Variants in PLEKHA8 observed in about 807,000 individuals in gnomAD.
The protein encoded by PLEKHA8 is pleckstrin homology domain-containing family A member 8.
Under a neutral mutation model 68.2 loss-of-function variants are expected in PLEKHA8, and 36 were observed. That is an observed-to-expected ratio of 0.53 (90% CI 0.40 to 0.70). The LOEUF is 0.70. Ranked by LOEUF, PLEKHA8 falls within the 30% of genes least tolerant of loss-of-function variation. The pLI is 0.00. For synonymous variants in PLEKHA8, 211 were observed against 216.1 expected (o/e 0.98, Z 0.20); for missense variants, 505 against 615.4 (o/e 0.82, Z 1.90).
chr7:30,084,645 A>G lies in PLEKHA8; in HGVS notation c.*5858A>G, dbSNP rs1795103658. On this transcript the variant is annotated 3_prime_UTR_variant, in exon 14 of 14. Coordinates refer to ENST00000449726, the MANE Select transcript of PLEKHA8 (RefSeq NM_001197026.2). ...CGTTAGTTATAATAAACTTATTTTT[A>G]AAGTATTAAGTTCTTAAAGGTTTTT... The G allele has an allele frequency of 1.1e-6, 1 of 916,470 alleles. No individual in the cohort carries two copies. The highest frequency in any genetic ancestry group is 1.3e-6 in the Non-Finnish European group (1 of 767,312). 56.8% of individuals were successfully genotyped at this position (916,470 alleles called of 1,614,324 possible).
At chr7:30,115,636 A>G (rs902001732) in intron 13 of PLEKHA8, among the ~76,000 whole-genome samples, 24 of 150,918 alleles carry the variant, frequency 1.6e-4, no homozygotes, top group Admixed American at 7.9e-4. Context: ...ATGTACACAT[A>G]CATGCACACA....
chr7:30,052,651 A>T, intron 6 of PLEKHA8, 58 bp from the exon 7 acceptor site: 1 of 1,429,300 alleles, frequency 7.0e-7, no homozygotes, highest in East Asian at 2.5e-5. Context: ...AAAAAAAAAA[A>T]AAAAAAAAAG....
intron 13 of PLEKHA8, among the ~76,000 whole-genome samples, chr7:30,128,541 T>C (rs1018618224): frequency 1.3e-5 from 2 of 152,260 alleles, no homozygotes; most frequent in Non-Finnish European, 2.9e-5. Flanking sequence ...TTTATTTCTT[T>C]CTCGCTGTCT....
At chr7:30,105,192 C>T (rs910626261) in intron 13 of PLEKHA8, among the ~76,000 whole-genome samples, 1 of 151,612 alleles carries the variant, frequency 6.6e-6, no homozygotes, top group African/African-American at 2.4e-5. Context: ...TCTCAGGGGC[C>T]GAGTGTGGTG....
downstream of PLEKHA8, among the ~76,000 whole-genome samples, chr7:30,087,484 T>C (rs1468786937): frequency 2.6e-5 from 4 of 152,214 alleles, no homozygotes; most frequent in African/African-American, 9.6e-5. Context: ...TGGTTGCACC[T>C]ACAGCTTTTC....
At chr7:30,072,368 A>G (rs1794293124) in intron 12 of PLEKHA8, among the ~76,000 whole-genome samples, 1 of 152,232 alleles carries the variant, frequency 6.6e-6, no homozygotes, top group Non-Finnish European at 1.5e-5. Flanking sequence ...ATATAATTGC[A>G]TTTTGTGAAA....
intron 6 of PLEKHA8, among the ~76,000 whole-genome samples, chr7:30,051,062 G>A (rs1357437495): frequency 6.6e-6 from 1 of 152,068 alleles, no homozygotes; most frequent in African/African-American, 2.4e-5. Context: ...ACCATGCCTG[G>A]CTAATTTTTG....
intron 12 of PLEKHA8, chr7:30,069,737 G>A (rs10263852): frequency 0.055 from 8,436 of 152,192 alleles, 362 homozygotes; most frequent in Non-Finnish European, 0.077. Flanking sequence ...AGTGTCCCCA[G>A]GTCTCATTGC....
At chr7:30,047,483 C>A (rs1330390805) in intron 3 of PLEKHA8, among the ~76,000 whole-genome samples, 2 of 152,140 alleles carry the variant, frequency 1.3e-5, no homozygotes, top group African/African-American at 4.8e-5. Context: ...AGGAAAAACT[C>A]TCTGGCAGAA....
rs1426788657 is a variant in PLEKHA8, at chr7:30,090,272, A to G, written c.*97A>G. 5 of 1,436,294 alleles carry G rather than the reference A, an allele frequency of 3.5e-6. No homozygotes were observed. The East Asian group carries it at 7.5e-5, about 21-fold the overall frequency. 89.0% of individuals were successfully genotyped at this position (1,436,294 alleles called of 1,614,324 possible). ...AAAAGCAAGTCACCAAGGGACCTCAAACTTCCTTTCCACAAGATTCTGTGA... is the reference window on the plus strand; with the variant it reads ...AAAAGCAAGTCACCAAGGGACCTCAGACTTCCTTTCCACAAGATTCTGTGA... On this transcript the variant is annotated 3_prime_UTR_variant, in exon 13 of 13. Transcript: ENST00000258679.
chr7:30,071,997 A>G (rs2127994565), intron 12 of PLEKHA8: 1 of 152,248 alleles, frequency 6.6e-6, no homozygotes, highest in East Asian at 1.9e-4. Context: ...TATCCTCACT[A>G]AGGTCTTGTA....
intron 13 of PLEKHA8, among the ~76,000 whole-genome samples, chr7:30,099,073 A>G (rs1795748761): frequency 6.6e-6 from 1 of 152,154 alleles, no homozygotes; most frequent in South Asian, 2.1e-4. Context: ...TCTTTTTACA[A>G]TTTCTTACAA....
chr7:30,067,429 C>T (rs915314157), intron 12 of PLEKHA8, among the ~76,000 whole-genome samples: 7 of 152,126 alleles, frequency 4.6e-5, no homozygotes, highest in Non-Finnish European at 1.0e-4. Flanking sequence ...ATGTTTGCAC[C>T]ATTGCACTCC....
In PLEKHA8 at chr7:30,052,946, G is replaced by A. The variant is rs1792543564; in HGVS notation, c.796+80G>A. On this transcript the variant is annotated intron_variant, in intron 7 of 13. Coordinates refer to ENST00000449726, the MANE Select transcript of PLEKHA8 (RefSeq NM_001197026.2). The stretch of plus-strand genomic sequence containing the variant: ...GGAATTTGATGAATATCCATGATAG[G>A]GATTAACCTCAAGACCATGTAGTAG... 4.9e-6 allele frequency: 6 copies of A among 1,213,288 alleles called. No individual in the cohort carries two copies. In the South Asian group the frequency reaches 8.8e-5, roughly 18 times the overall value. The allele number at this position is 1,213,288 out of a possible 1,614,324, so 75.2% of individuals were successfully genotyped here.
In PLEKHA8 at chr7:30,112,714, GAAAA is replaced by G. The variant is rs59606022; in HGVS notation, c.1363-16543_1363-16540del. ...TGGGTGACAGACCCAGACCCAGTCT[GAAAA>G]AAAAAAAAGCCCATCTCTATAAAAA... On this transcript the variant is annotated intron_variant, in intron 13 of 13. Transcript: ENST00000396257. Among the ~76,000 whole-genome samples the G allele has an allele frequency of 2.2e-4, 31 of 138,072 alleles. No homozygotes were observed. The East Asian group carries it at 4.7e-3, about 21-fold the overall frequency. 90.6% of individuals were successfully genotyped at this position (138,072 alleles called of 152,430 possible).
exon 13 of PLEKHA8, chr7:30,090,422 C>T (rs1288298075): frequency 4.6e-6 from 2 of 430,516 alleles, no homozygotes; most frequent in Middle Eastern, 3.5e-4. Context: ...GAACTCAGAA[C>T]ATAATACCTG....
chr7:30,051,683 A>G (rs1792420617), intron 6 of PLEKHA8, among the ~76,000 whole-genome samples: 1 of 151,872 alleles, frequency 6.6e-6, no homozygotes, highest in Non-Finnish European at 1.5e-5. Flanking sequence ...TATAAGGAGT[A>G]CTCTCCCTGG....
intron 13 of PLEKHA8, among the ~76,000 whole-genome samples, chr7:30,108,090 A>AAAAAAAAAAAAAAAAAAAC: frequency 6.7e-6 from 1 of 148,858 alleles, no homozygotes; most frequent in African/African-American, 2.5e-5. Context: ...AAAAAAAAAA[A>AAAAAAAAAAAAAAAAAAAC]AACCTACATT....
rs1795001860 is a variant in PLEKHA8 at position 30,082,727 on chromosome 7, A to G, written c.*3940A>G. The G allele has an allele frequency of 1.0e-6, 1 of 985,368 alleles. No individual in the cohort carries two copies. The highest frequency in any genetic ancestry group is 1.2e-6 in the Non-Finnish European group (1 of 829,876). The allele number at this position is 985,368 out of a possible 1,614,324, so 61.0% of individuals were successfully genotyped here. A position where few individuals can be genotyped will look rare whatever the true frequency, so the allele number is the denominator to read the frequency against. Reference sequence around the variant, plus strand: ...TTCTCCACTAAATTTGAAGTGAGGGAAAGAGGAGCCAAAGTAAGAGATTTT... The same window carrying G: ...TTCTCCACTAAATTTGAAGTGAGGGGAAGAGGAGCCAAAGTAAGAGATTTT... On this transcript the variant is annotated 3_prime_UTR_variant, in exon 14 of 14. Coordinates refer to ENST00000449726, the MANE Select transcript of PLEKHA8 (RefSeq NM_001197026.2).
Sources: allele counts gnomAD v4.1 joint callset (sites outside exome capture counted in the v4.1 genomes callset), GRCh38; gene constraint gnomAD v4.1.1; transcripts MANE v1.5; gene names NCBI Gene and HGNC (gene_info 2026-07-23, HGNC 2026-07-21).